Variants in ORC3 observed in about 807,000 individuals in gnomAD.
ORC3 encodes origin recognition complex subunit 3.
Under a neutral mutation model 100.7 loss-of-function variants are expected in ORC3, and 78 were observed. The ratio of observed to expected loss-of-function variants is 0.77; its 90% CI spans 0.65 to 0.94. ORC3 has a LOEUF of 0.94. ORC3 is among the 40% of genes least tolerant of loss of function. ORC3 has a pLI of 0.00. For missense variants in ORC3, 789 were observed against 823.9 expected, an observed-to-expected ratio of 0.96 and a Z score of 0.52; for synonymous variants, 295 against 289.3, an observed-to-expected ratio of 1.02 and a Z score of -0.20.
rs1674952066 is a variant in ORC3, at chr6:87,634,722, A to G, written c.1186-123A>G. The stretch of plus-strand genomic sequence containing the variant: ...TTATATGTATTTCAAATTTTCATGA[A>G]TTAATTTGTAGTTTTGAATCTTGTC... On this transcript the variant is annotated intron_variant, in intron 11 of 19. Coordinates refer to ENST00000392844, the MANE Select transcript of ORC3 (RefSeq NM_012381.4). 5.1e-5 allele frequency: 30 copies of G among 587,796 alleles called. 1 individual carries two copies. 36.4% of individuals were successfully genotyped at this position (587,796 alleles called of 1,614,324 possible).
chr6:87,668,921 T>G (rs1309405609), downstream of ORC3, among the ~76,000 whole-genome samples: 1 of 152,088 alleles, frequency 6.6e-6, no homozygotes, highest in Non-Finnish European at 1.5e-5. Flanking sequence ...AGGCGGAGGT[T>G]GCAGTGAGCC....
In ORC3 at chr6:87,628,834, A is replaced by T. The variant is rs369599632; in HGVS notation, c.1186-6011A>T. 1.3e-4 allele frequency among the ~76,000 whole-genome samples: 20 copies of T among 152,314 alleles called. No individual in the cohort carries two copies. The East Asian group carries it at 3.1e-3, about 23-fold the overall frequency. On this transcript the variant is annotated intron_variant, in intron 11 of 19. Coordinates refer to ENST00000392844, the MANE Select transcript of ORC3 (RefSeq NM_012381.4). ...TTCTTTTGTCAGACCTACAGGGCAG[A>T]CAGGGGGAAGAAAATTTCTTAGAAA... is the stretch of plus-strand genomic sequence containing the variant.
chr6:87,616,281 G>T, intron 8 of ORC3, 33 bp from the exon 9 acceptor site: 1 of 790,444 alleles, frequency 1.3e-6, no homozygotes, highest in South Asian at 1.5e-5. Flanking sequence ...GACTAACAAG[G>T]AGTGTGTCCC....
rs1351104739 is a variant in ORC3 at position 87,590,155 on chromosome 6, G to C, written c.-14G>C. 1 of 1,611,650 alleles carries C rather than the reference G, an allele frequency of 6.2e-7. No homozygotes were observed. The highest frequency in any genetic ancestry group is 2.2e-5 in the East Asian group (1 of 44,884). Reference sequence around the variant, plus strand: ...ATCCCGAGTGCATCTGGAATACGCAGAGTCAGTAAGACCATGGCTACGTCC... The same window carrying C: ...ATCCCGAGTGCATCTGGAATACGCACAGTCAGTAAGACCATGGCTACGTCC... On this transcript the variant is annotated 5_prime_UTR_variant, in exon 1 of 20. Coordinates refer to ENST00000392844, the MANE Select transcript of ORC3 (RefSeq NM_012381.4).
intron 1 of ORC3, among the ~76,000 whole-genome samples, chr6:87,593,372 C>T (rs1582985548): frequency 6.6e-6 from 1 of 152,296 alleles, no homozygotes; most frequent in East Asian, 1.9e-4. Flanking sequence ...CACTCACAGT[C>T]TACTCAGGGA....
At chr6:87,623,985 T>A (rs557185410) in intron 11 of ORC3, among the ~76,000 whole-genome samples, 1 of 152,214 alleles carries the variant, frequency 6.6e-6, no homozygotes, top group Non-Finnish European at 1.5e-5. Context: ...ATGCTATCCT[T>A]GTTCTTGTTG....
intron 13 of ORC3, among the ~76,000 whole-genome samples, chr6:87,636,992 T>C (rs987832062): frequency 6.6e-6 from 1 of 152,230 alleles, no homozygotes; most frequent in African/African-American, 2.4e-5. Flanking sequence ...ATTATTTATC[T>C]AATAATATAC....
At chr6:87,644,540 A>C (rs1279864717) in intron 13 of ORC3, among the ~76,000 whole-genome samples, 1 of 152,080 alleles carries the variant, frequency 6.6e-6, no homozygotes, top group Non-Finnish European at 1.5e-5. Flanking sequence ...GTCTGTACTA[A>C]AAATACAAAA....
chr6:87,640,555 A>G (rs1246121291), intron 13 of ORC3, among the ~76,000 whole-genome samples: 1 of 152,208 alleles, frequency 6.6e-6, no homozygotes, highest in Non-Finnish European at 1.5e-5. Flanking sequence ...GTGTCATTAT[A>G]TAAGGATATG....
intron 1 of ORC3, among the ~76,000 whole-genome samples, chr6:87,592,950 A>G (rs1241533155): frequency 2.0e-5 from 3 of 150,726 alleles, no homozygotes; most frequent in Admixed American, 6.6e-5. Context: ...TAAATTAGCC[A>G]GGCATGGTGG....
intron 13 of ORC3, among the ~76,000 whole-genome samples, chr6:87,649,201 C>T (rs1481189583): frequency 6.6e-6 from 1 of 152,150 alleles, no homozygotes; most frequent in South Asian, 2.1e-4. Flanking sequence ...AATTCTGATA[C>T]CCAGTATCTT....
chr6:87,676,981 G>C, the ORC3 span, among the ~76,000 whole-genome samples: 2 of 151,812 alleles, frequency 1.3e-5, no homozygotes, highest in East Asian at 1.9e-4. Flanking sequence ...GGAGGCTGAG[G>C]CAGGAGAATG....
At chr6:87,594,503 G>T in intron 2 of ORC3, 96 bp downstream of exon 2, 4 of 1,404,376 alleles carry the variant, frequency 2.8e-6, no homozygotes, top group Non-Finnish European at 2.8e-6. Flanking sequence ...GTCTAACCTT[G>T]GCTTACTTGC....
intron 12 of ORC3, 90 bp from the exon 13 acceptor site, chr6:87,636,317 A>AT (rs986721224): frequency 3.5e-5 from 26 of 738,480 alleles, no homozygotes; most frequent in South Asian, 4.9e-5. Context: ...AATAACATTA[A>AT]TTTTTTTTGT....
At chr6:87,655,036 T>A (rs1438553582) in intron 14 of ORC3, among the ~76,000 whole-genome samples, 2 of 152,226 alleles carry the variant, frequency 1.3e-5, no homozygotes, top group Non-Finnish European at 2.9e-5. Flanking sequence ...CAAAAGTGAC[T>A]CATTATTAAT....
chr6:87,634,872 C>G lies in ORC3; in HGVS notation c.1213C>G (p.Leu405Val), dbSNP rs1767694077. 6.3e-7 allele frequency: 1 copy of G among 1,582,554 alleles called. No homozygotes were observed. Among genetic ancestry groups the G allele is most frequent in the African/African-American group, 1.3e-5 (1 of 74,262 alleles). Reference protein sequence around the residue: ...KEETQLLLENLHVYHMNYFLV... With the variant: ...KEETQLLLENVHVYHMNYFLV... Reference sequence around the variant, plus strand: ...GGAAACACAATTATTACTAGAAAACCTGCATGTTTATCATATGAATTACTT... The same window carrying G: ...GGAAACACAATTATTACTAGAAAACGTGCATGTTTATCATATGAATTACTT... The change falls in exon 12 of 20, where the codon CTG becomes GTG. Residue 405 changes from leucine (L) to valine (V), a missense_variant. Leu to Val is a conservative substitution (Grantham distance 32). This residue lies in a region of ORC3 where 366 missense variants were observed against 394.2 expected (regional missense o/e 0.93). Transcript: ENST00000392844.
chr6:87,632,815 G>T (rs1767527761), intron 11 of ORC3, among the ~76,000 whole-genome samples: 1 of 152,128 alleles, frequency 6.6e-6, no homozygotes, highest in South Asian at 2.1e-4. Flanking sequence ...AGTGAGCAGA[G>T]AGTTAGACTT....
Position 87,636,429 on chromosome 6 carries a change from G to A in ORC3, c.1325G>A (p.Cys442Tyr), listed in dbSNP as rs1477765866. 6.2e-7 allele frequency: 1 copy of A among 1,610,240 alleles called. No homozygotes were observed. Among genetic ancestry groups the A allele is most frequent in the East Asian group, 2.2e-5 (1 of 44,850 alleles). Reference sequence around the variant, plus strand: ...CAGATCAGAGAGTTGTACTGTACATGTTTAGAAAAGAACATATGGGATTCA... The same window carrying A: ...CAGATCAGAGAGTTGTACTGTACATATTTAGAAAAGAACATATGGGATTCA... ...GRQIRELYCT[C>Y]LEKNIWDSEE... Residue 442 changes from cysteine (C) to tyrosine (Y), a missense_variant, in exon 13 of 20, where the codon TGT becomes TAT. By Grantham distance (194) the Cys-to-Tyr change is radical. Coordinates refer to ENST00000392844, the MANE Select transcript of ORC3 (RefSeq NM_012381.4).
chr6:87,594,526 G>A, intron 2 of ORC3, 119 bp downstream of exon 2: 3 of 1,383,460 alleles, frequency 2.2e-6, no homozygotes, highest in Non-Finnish European at 2.8e-6. Context: ...TGTTGATGTA[G>A]CATTTATGTT....
Sources: allele counts gnomAD v4.1 joint callset (sites outside exome capture counted in the v4.1 genomes callset), GRCh38; gene constraint gnomAD v4.1.1; regional missense constraint gnomAD v4.1.1; transcripts MANE v1.5; gene names NCBI Gene and HGNC (gene_info 2026-07-23, HGNC 2026-07-21).